KCNMB2: variants seen among roughly 807,000 people sequenced by gnomAD.
KCNMB2 encodes the protein calcium-activated potassium channel subunit beta-2.
Under a neutral mutation model 24.5 loss-of-function variants are expected in KCNMB2, and 9 were observed. That is an observed-to-expected ratio of 0.37 (90% CI 0.22 to 0.64). The LOEUF (loss-of-function observed/expected upper bound fraction) is 0.64, where lower values mean the gene tolerates loss of function less well. Among genes scored for constraint, KCNMB2 ranks in the 30% least tolerant of loss-of-function variants. KCNMB2 has a pLI of 0.63. For missense variants in KCNMB2, 226 were observed against 284.3 expected, an observed-to-expected ratio of 0.79 and a Z score of 1.47; for synonymous variants, 109 against 104.4, an observed-to-expected ratio of 1.04 and a Z score of -0.27.
At chr3:178,601,501 A>G (rs1198110335) in intron 1 of KCNMB2, among the ~76,000 whole-genome samples, 1 of 152,156 alleles carries the variant, frequency 6.6e-6, no homozygotes, top group Non-Finnish European at 1.5e-5. Flanking sequence ...GGATAGCATA[A>G]TCTTGAGGTC....
At chr3:178,543,880 T>G (rs1045237153) in intron 1 of KCNMB2, among the ~76,000 whole-genome samples, 1 of 152,152 alleles carries the variant, frequency 6.6e-6, no homozygotes. Context: ...TCACAATATG[T>G]TTCTCCTTTT....
At chr3:178,559,455 C>G (rs1186820983) in intron 1 of KCNMB2, among the ~76,000 whole-genome samples, 11 of 151,492 alleles carry the variant, frequency 7.3e-5, no homozygotes, top group Non-Finnish European at 1.3e-4. Flanking sequence ...TTAAAAGAAG[C>G]TCTGTCTAGA....
chr3:178,554,718 A>G (rs1337024434), intron 1 of KCNMB2, among the ~76,000 whole-genome samples: 1 of 152,258 alleles, frequency 6.6e-6, no homozygotes, highest in Non-Finnish European at 1.5e-5. Flanking sequence ...ATTTACACTC[A>G]GAAGTCAGTA....
At chr3:178,538,259 ATGAC>A (rs1214111582) in intron 1 of KCNMB2, among the ~76,000 whole-genome samples, 4 of 152,198 alleles carry the variant, frequency 2.6e-5, no homozygotes, top group Admixed American at 6.5e-5. Context: ...TGTCCACGAA[ATGAC>A]TGTATGGAAT....
intron 1 of KCNMB2, among the ~76,000 whole-genome samples, chr3:178,727,843 G>A (rs1199883761): frequency 1.3e-5 from 2 of 152,168 alleles, no homozygotes; most frequent in Non-Finnish European, 2.9e-5. Flanking sequence ...TAAGTTTGTG[G>A]TAATTTGTTA....
chr3:178,665,774 T>C (rs1273376191), intron 1 of KCNMB2, among the ~76,000 whole-genome samples: 8 of 152,276 alleles, frequency 5.3e-5, no homozygotes, highest in South Asian at 2.1e-4. Flanking sequence ...CAGAATGAGA[T>C]ACTCACGAAT....
At chr3:178,792,888 G>T (rs1713380777) in intron 1 of KCNMB2, among the ~76,000 whole-genome samples, 1 of 152,200 alleles carries the variant, frequency 6.6e-6, no homozygotes, top group Non-Finnish European at 1.5e-5. Flanking sequence ...TGCCTGCATT[G>T]GGTGTCACAG....
chr3:178,568,814 GATA>G (rs746167684), intron 1 of KCNMB2, among the ~76,000 whole-genome samples: 2,209 of 48,000 alleles, frequency 0.046, 110 homozygotes, highest in Admixed American at 0.059. Context: ...TAGATAGATA[GATA>G]ATAGATAGAT....
chr3:178,762,539 C>CT (rs1560011508), intron 1 of KCNMB2, among the ~76,000 whole-genome samples: 1 of 152,200 alleles, frequency 6.6e-6, no homozygotes, highest in East Asian at 1.9e-4. Flanking sequence ...ATAAAATGTC[C>CT]TATTTTAAAA....
intron 1 of KCNMB2, among the ~76,000 whole-genome samples, chr3:178,648,947 C>T (rs981488440): frequency 3.9e-5 from 6 of 152,116 alleles, no homozygotes; most frequent in African/African-American, 4.8e-5. Context: ...ATTTGCACTT[C>T]TCTAATAAGT....
At chr3:178,807,583 C>T (rs1714025826) in intron 2 of KCNMB2, 118 bp downstream of exon 2, 1 of 815,900 alleles carries the variant, frequency 1.2e-6, no homozygotes, top group African/African-American at 1.7e-5. Flanking sequence ...TGGGGACAGA[C>T]TCTACAGTAC....
chr3:178,756,647 C>A (rs1427057357), intron 1 of KCNMB2, among the ~76,000 whole-genome samples: 3 of 152,124 alleles, frequency 2.0e-5, no homozygotes, highest in Non-Finnish European at 4.4e-5. Context: ...GGCATCATCT[C>A]ATGAATCCCA....
intron 1 of KCNMB2, among the ~76,000 whole-genome samples, chr3:178,562,122 T>C (rs1460689936): frequency 6.6e-6 from 1 of 152,274 alleles, no homozygotes. Flanking sequence ...CTGGGTTCTT[T>C]GCCTACCTTT....
intron 1 of KCNMB2, among the ~76,000 whole-genome samples, chr3:178,614,025 T>A (rs1347591917): frequency 6.6e-6 from 1 of 151,148 alleles, no homozygotes; most frequent in Non-Finnish European, 1.5e-5. Flanking sequence ...ACTGTTGTAT[T>A]TTCAAATAGT....
chr3:178,702,346 G>C (rs1050606091), intron 1 of KCNMB2, among the ~76,000 whole-genome samples: 115 of 151,270 alleles, frequency 7.6e-4, no homozygotes, highest in African/African-American at 2.6e-3. Context: ...ACAAGTTAAT[G>C]GGTGCAGCAC....
chr3:178,571,999 G>A (rs981651019), intron 1 of KCNMB2, among the ~76,000 whole-genome samples: 5 of 152,184 alleles, frequency 3.3e-5, no homozygotes, highest in African/African-American at 1.2e-4. Context: ...ACACACGTGT[G>A]CATGTGTCTT....
intron 1 of KCNMB2, among the ~76,000 whole-genome samples, chr3:178,708,086 A>G (rs1345092617): frequency 2.6e-5 from 4 of 152,156 alleles, no homozygotes; most frequent in Non-Finnish European, 4.4e-5. Context: ...TTAACATGCC[A>G]AAGTTTATCT....
intron 4 of KCNMB2, among the ~76,000 whole-genome samples, chr3:178,833,956 G>C (rs1411488392): frequency 6.6e-6 from 1 of 152,130 alleles, no homozygotes; most frequent in African/African-American, 2.4e-5. Flanking sequence ...ATAAAAAACA[G>C]CAGCTGAGTA....
At chr3:178,770,698 T>G (rs1210341134) in intron 1 of KCNMB2, among the ~76,000 whole-genome samples, 1 of 152,224 alleles carries the variant, frequency 6.6e-6, no homozygotes, top group Non-Finnish European at 1.5e-5. Flanking sequence ...AGAACTCTGA[T>G]AGAGTCCATA....
Sources: allele counts gnomAD v4.1 joint callset (sites outside exome capture counted in the v4.1 genomes callset), GRCh38; gene constraint gnomAD v4.1.1; transcripts MANE v1.5; gene names NCBI Gene and HGNC (gene_info 2026-07-23, HGNC 2026-07-21).